The following FAM13B variants were observed in gnomAD, a reference collection of about 807,000 sequenced individuals.
FAM13B encodes family with sequence similarity 13 member B, also known as protein FAM13B.
A neutral mutation model predicts 117.3 loss-of-function variants in FAM13B; 60 were observed. The observed-to-expected ratio is 0.51, with a 90% CI of 0.42 to 0.63. The LOEUF (loss-of-function observed/expected upper bound fraction) is 0.63. Ranked by LOEUF, FAM13B falls within the 30% of genes least tolerant of loss-of-function variation. The pLI, the probability that FAM13B is intolerant of heterozygous loss-of-function variation, is 0.00. For synonymous variants in FAM13B, 332 were observed against 356.1 expected (o/e 0.93, Z 0.76); for missense variants, 972 against 1,091.9 (o/e 0.89, Z 1.55).
At position 137,965,776 on chromosome 5, in the gene FAM13B, A is replaced by T. The variant is rs187142890; in HGVS notation, c.1180-3307T>A. 6.6e-5 allele frequency among the ~76,000 whole-genome samples: 10 copies of T among 152,234 alleles called. No individual in the cohort carries two copies. In the East Asian group the frequency reaches 1.9e-3, roughly 29 times the overall value. On this transcript the variant is annotated intron_variant, in intron 10 of 23. Coordinates refer to ENST00000689681, the MANE Select transcript of FAM13B (RefSeq NM_001385994.1). ...TCTTGACTATCTACTAGAGTTTATA[A>T]ATACTTCTGGCCTCCACTTCTGAAA... is the stretch of plus-strand genomic sequence containing the variant.
At position 137,988,290 on chromosome 5, in the gene FAM13B, G is replaced by A; in HGVS notation, c.874C>T (p.Leu292=). 6.4e-7 allele frequency: 1 copy of A among 1,555,668 alleles called. No homozygotes were observed. The highest frequency in any genetic ancestry group is 8.6e-7 in the Non-Finnish European group (1 of 1,161,714). The change falls in exon 8 of 24, where the codon CTA becomes TTA. Residue 292 remains leucine (L), a synonymous_variant. Coordinates refer to ENST00000689681, the MANE Select transcript of FAM13B (RefSeq NM_001385994.1). ...ACTACTTACTCTGTAGAGGCTGGTA[G>A]GATGCTGATGGGAGATATATGGGTG... ...TSTHISPISI[L]PASTDILERT...
In FAM13B at chr5:137,940,075, ATT is replaced by A. The variant is rs763124340; in HGVS notation, c.*148_*149del. 1.2e-6 allele frequency: 2 copies of A among 1,614,144 alleles called. No individual in the cohort carries two copies. The highest frequency in any genetic ancestry group is 1.7e-6 in the Non-Finnish European group (2 of 1,180,008). ...GAGAGGGCCTACTTACTCTCCCATC[ATT>A]TGTTTTGTTTAGTGGCACCACAACC... On this transcript the variant is annotated 3_prime_UTR_variant, in exon 24 of 24. Transcript: ENST00000689681.
At position 137,949,126 on chromosome 5, in the gene FAM13B, G is replaced by A; in HGVS notation, c.1989C>T (p.Asn663=). The change falls in exon 18 of 24, where the codon AAC becomes AAT. Residue 663 remains asparagine (N), a synonymous_variant. Coordinates refer to ENST00000689681, the MANE Select transcript of FAM13B (RefSeq NM_001385994.1). The part of the protein sequence containing the change: ...EFVPQTRPRS[N]TLPKSFGSSL... ...AAGAGCCAAAGCTTTTTGGAAGTGT[G>A]TTACTACGTGGACGTGTCTGAGGTA... 1.2e-6 allele frequency: 2 copies of A among 1,614,156 alleles called. No individual in the cohort carries two copies. The highest frequency in any genetic ancestry group is 3.3e-5 in the Admixed American group (2 of 60,028).
At chr5:138,010,919 C>T in intron 6 of FAM13B, 89 bp downstream of exon 6, 3 of 1,249,564 alleles carry the variant, frequency 2.4e-6, no homozygotes, top group South Asian at 4.0e-5. Context: ...TTAAATTCCA[C>T]TTATGTCTGT....
intron 1 of FAM13B, among the ~76,000 whole-genome samples, chr5:138,026,544 TGGAGCCCAG>T (rs1330379384): frequency 1.4e-5 from 2 of 143,570 alleles, no homozygotes; most frequent in Non-Finnish European, 3.0e-5. Context: ...GAAGGATCAC[TGGAGCCCAG>T]GGAGGTAGAG....
chr5:137,985,385 C>T lies in FAM13B; in HGVS notation c.1051G>A (p.Asp351Asn). ...GCATTAATAATATCATCAGCAATAT[C>T]AATCCTAGGGATGAAGTTTAAAAAT... ...CDGEGSNNQI[D>N]IADDIINASE... Residue 351 changes from aspartate to asparagine, a missense_variant, in exon 10 of 24, where the codon GAT becomes AAT. Asp to Asn is a conservative substitution (Grantham distance 23). Transcript: ENST00000689681. 2 of 1,613,396 alleles carry T rather than the reference C, an allele frequency of 1.2e-6. No homozygotes were observed. Among genetic ancestry groups the T allele is most frequent in the South Asian group, 1.1e-5 (1 of 90,938 alleles).
At chr5:137,942,837 T>C in intron 22 of FAM13B, 38 bp downstream of exon 22, 1 of 1,557,790 alleles carries the variant, frequency 6.4e-7, no homozygotes, top group Non-Finnish European at 8.6e-7. Context: ...TACATTTTAT[T>C]ATAAAAATAG....
At chr5:137,945,830 C>G in intron 20 of FAM13B, 72 bp downstream of exon 20, 1 of 1,122,786 alleles carries the variant, frequency 8.9e-7, no homozygotes, top group Non-Finnish European at 1.3e-6. Flanking sequence ...CAATATACCA[C>G]AATAATAATT....
chr5:137,998,121 G>C (rs982980883), intron 7 of FAM13B, among the ~76,000 whole-genome samples: 2 of 152,204 alleles, frequency 1.3e-5, no homozygotes, highest in Admixed American at 1.3e-4. Context: ...TGCTAAAGTG[G>C]AGCACTCTGA....
chr5:137,965,684 A>C (rs946633157), intron 10 of FAM13B, among the ~76,000 whole-genome samples: 52 of 152,300 alleles, frequency 3.4e-4, no homozygotes, highest in Admixed American at 2.9e-3. Context: ...TCTTCTACTG[A>C]ATTAATATGA....
At chr5:137,967,624 G>A (rs1770466113) in intron 10 of FAM13B, among the ~76,000 whole-genome samples, 1 of 152,166 alleles carries the variant, frequency 6.6e-6, no homozygotes, top group Non-Finnish European at 1.5e-5. Context: ...CCATCATGGT[G>A]GCTCACATCT....
upstream of FAM13B, among the ~76,000 whole-genome samples, chr5:138,035,582 G>T (rs1194103484): frequency 6.6e-6 from 1 of 152,160 alleles, no homozygotes; most frequent in African/African-American, 2.4e-5. Context: ...GAAAACTCAG[G>T]CAGGTTCCAT....
intron 6 of FAM13B, among the ~76,000 whole-genome samples, chr5:138,010,397 A>G (rs925740858): frequency 2.6e-5 from 4 of 152,264 alleles, no homozygotes; most frequent in African/African-American, 7.2e-5. Flanking sequence ...CTTGAGGCCA[A>G]GAGTTCAAGA....
chr5:138,034,843 T>C (rs1790939483), upstream of FAM13B, among the ~76,000 whole-genome samples: 1 of 151,958 alleles, frequency 6.6e-6, no homozygotes. Flanking sequence ...TGCGTAAAAG[T>C]CTTGAGAGTA....
chr5:137,970,335 C>T (rs1771696666), intron 10 of FAM13B, among the ~76,000 whole-genome samples: 1 of 151,828 alleles, frequency 6.6e-6, no homozygotes, highest in Admixed American at 6.6e-5. Flanking sequence ...AATTTTCAAC[C>T]CAGAATTTCA....
At chr5:137,966,482 T>TAGAGAG (rs1244957354) in intron 10 of FAM13B, among the ~76,000 whole-genome samples, 173 of 53,784 alleles carry the variant, frequency 3.2e-3, no homozygotes, top group Non-Finnish European at 4.2e-3. Flanking sequence ...TATATATATA[T>TAGAGAG]ATATATAGAG....
chr5:137,958,946 C>T (rs1767343164), intron 13 of FAM13B, among the ~76,000 whole-genome samples: 1 of 152,096 alleles, frequency 6.6e-6, no homozygotes. Flanking sequence ...GCAAATCATC[C>T]ACTGAAGTTC....
In FAM13B at chr5:137,938,960, A is replaced by G. The variant is rs891565577; in HGVS notation, c.*1265T>C. ...TAACACTTAGATTAAGCCTGACCCAAATCTGCTGTTGTACTGTTAGCACAA... is the reference window on the plus strand; with the variant it reads ...TAACACTTAGATTAAGCCTGACCCAGATCTGCTGTTGTACTGTTAGCACAA... On this transcript the variant is annotated 3_prime_UTR_variant, in exon 24 of 24. Transcript: ENST00000689681. The G allele has an allele frequency of 6.6e-6, 1 of 152,184 alleles. No individual in the cohort carries two copies. Among genetic ancestry groups the G allele is most frequent in the Non-Finnish European group, 1.5e-5 (1 of 68,030 alleles). The allele number at this position is 152,184 out of a possible 1,614,324, so 9.4% of individuals were successfully genotyped here.
intron 1 of FAM13B, among the ~76,000 whole-genome samples, chr5:138,021,597 T>G (rs1356827124): frequency 6.6e-6 from 1 of 152,232 alleles, no homozygotes; most frequent in Non-Finnish European, 1.5e-5. Context: ...AAAGATATGA[T>G]TTAAGCTTGC....
Sources: allele counts gnomAD v4.1 joint callset (sites outside exome capture counted in the v4.1 genomes callset), GRCh38; gene constraint gnomAD v4.1.1; transcripts MANE v1.5; gene names NCBI Gene and HGNC (gene_info 2026-07-23, HGNC 2026-07-21).